Variants in BCL9 observed in about 807,000 individuals in gnomAD.
The protein encoded by BCL9 is B-cell CLL/lymphoma 9 protein.
A neutral mutation model predicts 88.5 loss-of-function variants in BCL9; 25 were observed. The observed-to-expected ratio is 0.28, with a 90% CI of 0.21 to 0.39. The LOEUF (loss-of-function observed/expected upper bound fraction) is 0.39, where lower values mean the gene tolerates loss of function less well. Among genes scored for constraint, BCL9 ranks in the 10% least tolerant of loss-of-function variants. The pLI, the probability that BCL9 is intolerant of heterozygous loss-of-function variation, is 1.00. For synonymous variants in BCL9, 711 were observed against 673.3 expected, an observed-to-expected ratio of 1.06 and a Z score of -0.87; for missense variants, 1,817 against 1,877.8, an observed-to-expected ratio of 0.97 and a Z score of 0.60.
chr1:147,624,640 T>C lies in BCL9; in HGVS notation c.3962T>C (p.Phe1321Ser). Residue 1321 changes from phenylalanine (F) to serine (S), a missense_variant, in exon 10 of 10, where the codon TTT (phenylalanine) becomes TCT (serine). Physicochemically the swap from Phe to Ser is radical, Grantham distance 155. Coordinates refer to ENST00000234739, the MANE Select transcript of BCL9 (RefSeq NM_004326.4). This position sits in a 1 kb window ranked among gnomAD's most constrained non-coding sequence, Gnocchi z 4.4. ...PGHNPMRPPAFLQQGMMGPHH... is the reference protein window; with the variant it reads ...PGHNPMRPPASLQQGMMGPHH... ...CACAACCCCATGAGACCACCAGCCT[T>C]TCTCCAACAAGGCATGATGGGACCT... The C allele has an allele frequency of 6.2e-7, 1 of 1,614,118 alleles. No homozygotes were observed. The highest frequency in any genetic ancestry group is 8.5e-7 in the Non-Finnish European group (1 of 1,180,004).
At chr1:147,544,863 T>C (rs1212325010) in intron 1 of BCL9, among the ~76,000 whole-genome samples, 7 of 152,154 alleles carry the variant, frequency 4.6e-5, no homozygotes, top group Admixed American at 2.0e-4. Flanking sequence ...TTCCTCCTAT[T>C]TGTGGCCTTT....
At chr1:147,550,438 T>A (rs782691870) in intron 1 of BCL9, among the ~76,000 whole-genome samples, 4 of 152,268 alleles carry the variant, frequency 2.6e-5, no homozygotes, top group South Asian at 2.1e-4. Context: ...AAAAAGACCA[T>A]GAGAACAATG....
Position 147,624,707 on chromosome 1 carries a change from C to A in BCL9, c.4029C>A (p.Gly1343=). The A allele has an allele frequency of 6.2e-7, 1 of 1,614,196 alleles. No homozygotes were observed. Among genetic ancestry groups the A allele is most frequent in the East Asian group, 2.2e-5 (1 of 44,880 alleles). Residue 1343 remains glycine, a synonymous_variant, in exon 10 of 10, where the codon GGC becomes GGA. Transcript: ENST00000234739. The surrounding 1 kb of genome is among the most constrained non-coding windows in gnomAD (Gnocchi z 4.4). ...CACCAGCACAATCTACAATGCCCGG[C>A]CAGCCCACCCTGATGAGCAATCCAG... ...MMSPAQSTMP[G]QPTLMSNPAA...
intron 1 of BCL9, among the ~76,000 whole-genome samples, chr1:147,598,842 C>G (rs1553200750): frequency 6.6e-6 from 1 of 152,200 alleles, no homozygotes; most frequent in Non-Finnish European, 1.5e-5. Flanking sequence ...GCAGACAGAT[C>G]TATAATAACG....
chr1:147,567,261 A>G (rs587702578), intron 1 of BCL9, among the ~76,000 whole-genome samples: 19 of 152,266 alleles, frequency 1.2e-4, no homozygotes, highest in African/African-American at 4.3e-4. Flanking sequence ...GAATTCGTGG[A>G]CTGTACAGAA....
chr1:147,556,143 G>C (rs1553195428), intron 1 of BCL9, among the ~76,000 whole-genome samples: 1 of 152,104 alleles, frequency 6.6e-6, no homozygotes, highest in East Asian at 1.9e-4. Flanking sequence ...TTTTGAGACA[G>C]AGTCTCACAG....
At chr1:147,589,045 C>T (rs1347297571) in intron 1 of BCL9, among the ~76,000 whole-genome samples, 2 of 152,186 alleles carry the variant, frequency 1.3e-5, no homozygotes, top group Non-Finnish European at 2.9e-5. Flanking sequence ...TTAATATTAG[C>T]TGGACATGTT....
intron 1 of BCL9, among the ~76,000 whole-genome samples, chr1:147,557,924 TA>T (rs1236718099): frequency 6.6e-6 from 1 of 152,306 alleles, no homozygotes; most frequent in African/African-American, 2.4e-5. Context: ...TGTCAGCCAT[TA>T]TGCTAATTAT....
At chr1:147,621,561 AT>A (rs1157944920) in intron 8 of BCL9, among the ~76,000 whole-genome samples, 3 of 152,154 alleles carry the variant, frequency 2.0e-5, no homozygotes, top group Non-Finnish European at 4.4e-5. Flanking sequence ...ATCAGCTACA[AT>A]TTAGGAGGAT....
At chr1:147,621,317 A>C (rs1553205378) in intron 8 of BCL9, among the ~76,000 whole-genome samples, 1 of 152,242 alleles carries the variant, frequency 6.6e-6, no homozygotes, top group Non-Finnish European at 1.5e-5. Context: ...GGTTCACAGA[A>C]TAATTTACAT....
chr1:147,565,146 T>C (rs1553196547), intron 1 of BCL9, among the ~76,000 whole-genome samples: 1 of 152,222 alleles, frequency 6.6e-6, no homozygotes, highest in East Asian at 1.9e-4. Flanking sequence ...CTAGTTATTC[T>C]TTAGTTAATA....
chr1:147,621,171 TTG>T, intron 8 of BCL9, 114 bp downstream of exon 8: 1 of 1,193,632 alleles, frequency 8.4e-7, no homozygotes, highest in Non-Finnish European at 1.2e-6. Flanking sequence ...GCAGTCTTTG[TTG>T]AAATGGCCAT....
At chr1:147,586,422 T>C (rs587768716) in intron 1 of BCL9, among the ~76,000 whole-genome samples, 2 of 152,252 alleles carry the variant, frequency 1.3e-5, no homozygotes, top group Admixed American at 1.3e-4. Context: ...TAAATACCAC[T>C]CTCCCACTGG....
intron 1 of BCL9, among the ~76,000 whole-genome samples, chr1:147,579,635 T>G (rs1656273555): frequency 6.6e-6 from 1 of 152,202 alleles, no homozygotes; most frequent in African/African-American, 2.4e-5. Context: ...GCTTTGCCTT[T>G]TTAAGTAAAT....
chr1:147,614,737 A>C (rs1570908121), intron 6 of BCL9, 121 bp downstream of exon 6: 4 of 1,092,148 alleles, frequency 3.7e-6, no homozygotes, highest in South Asian at 3.9e-5. Context: ...AAAACATAAA[A>C]CCTCCCCAAC....
intron 9 of BCL9, among the ~76,000 whole-genome samples, chr1:147,623,393 TATAAA>T: frequency 6.6e-6 from 1 of 152,374 alleles, no homozygotes; most frequent in Non-Finnish European, 1.5e-5. Context: ...ATAAGGCACT[TATAAA>T]ATAATGCCAA....
intron 3 of BCL9, among the ~76,000 whole-genome samples, chr1:147,609,736 G>A (rs892537602): frequency 1.3e-5 from 2 of 152,228 alleles, no homozygotes; most frequent in South Asian, 2.1e-4. Context: ...TTTGGAAGAC[G>A]TGTGTAACAC....
intron 1 of BCL9, among the ~76,000 whole-genome samples, chr1:147,582,517 T>A (rs977546305): frequency 6.6e-6 from 1 of 152,208 alleles, no homozygotes. Context: ...CCAGAAATGT[T>A]CTTCTAGTAC....
intron 3 of BCL9, among the ~76,000 whole-genome samples, chr1:147,609,390 A>G (rs613089): frequency 0.73 from 110,835 of 152,090 alleles, 40,687 homozygotes; most frequent in African/African-American, 0.82. Flanking sequence ...CACTGGGTGA[A>G]CCCACATGCT....
Sources: allele counts gnomAD v4.1 joint callset (sites outside exome capture counted in the v4.1 genomes callset), GRCh38; gene constraint gnomAD v4.1.1; non-coding constraint Gnocchi (gnomAD v3.1); transcripts MANE v1.5; gene names NCBI Gene and HGNC (gene_info 2026-07-23, HGNC 2026-07-21).